The following SULF1 variants were observed in gnomAD, a reference collection of about 807,000 sequenced individuals.
SULF1 encodes the protein extracellular sulfatase Sulf-1.
SULF1 carries 46 observed loss-of-function variants against 110.5 expected under a neutral mutation model. That is an observed-to-expected ratio of 0.42 (90% CI 0.33 to 0.53). The LOEUF (loss-of-function observed/expected upper bound fraction) is 0.53. Among genes scored for constraint, SULF1 ranks in the 20% least tolerant of loss-of-function variants. The probability of loss-of-function intolerance (pLI) is 0.12; values close to 1 mark genes in which losing one functional copy is unlikely to be tolerated. For synonymous variants in SULF1, 371 were observed against 387.1 expected, an observed-to-expected ratio of 0.96 and a Z score of 0.49; for missense variants, 941 against 1,094.2, an observed-to-expected ratio of 0.86 and a Z score of 1.98.
At chr8:69,609,633 T>C (rs1013743802) in intron 13 of SULF1, among the ~76,000 whole-genome samples, 3 of 152,218 alleles carry the variant, frequency 2.0e-5, no homozygotes, top group African/African-American at 7.2e-5. Context: ...CTGCATCTCT[T>C]CACTTCACGT....
chr8:69,542,529 T>G (rs916694409), intron 3 of SULF1, among the ~76,000 whole-genome samples: 2 of 152,020 alleles, frequency 1.3e-5, no homozygotes, highest in Admixed American at 1.3e-4. Context: ...GAATCTGTTT[T>G]GACCCCCGAG....
intron 5 of SULF1, among the ~76,000 whole-genome samples, chr8:69,573,957 G>T (rs1348275722): frequency 6.6e-6 from 1 of 152,090 alleles, no homozygotes; most frequent in Admixed American, 6.5e-5. Flanking sequence ...TGCTTCTTAG[G>T]GTCGCTCTGT....
chr8:69,631,700 C>T (rs900840320), intron 19 of SULF1, among the ~76,000 whole-genome samples: 1 of 152,262 alleles, frequency 6.6e-6, no homozygotes, highest in Non-Finnish European at 1.5e-5. Context: ...GCATCTCAAG[C>T]TCCCTCTCGC....
At chr8:69,574,000 C>T (rs1310537594) in intron 5 of SULF1, among the ~76,000 whole-genome samples, 1 of 152,142 alleles carries the variant, frequency 6.6e-6, no homozygotes, top group Non-Finnish European at 1.5e-5. Context: ...TTCTTCTTTC[C>T]TCAGGGGTAG....
intron 8 of SULF1, chr8:69,596,962 C>T (rs73683996): frequency 2.0e-5 from 3 of 152,042 alleles, no homozygotes; most frequent in African/African-American, 4.8e-5. Flanking sequence ...GAGACTTAGA[C>T]AAAAAGTTGT....
Position 69,560,956 on chromosome 8 carries a change from T to A in SULF1, c.-133-2583T>A, listed in dbSNP as rs1815442156. 2.0e-5 allele frequency among the ~76,000 whole-genome samples: 3 copies of A among 152,208 alleles called. No individual in the cohort carries two copies. In the South Asian group the frequency reaches 6.2e-4, roughly 32 times the overall value. The stretch of plus-strand genomic sequence containing the variant: ...AATGTATATCGTTGTAGGTATGAAT[T>A]CCCTGAATTGAATGTTGGTGGTGGT... On this transcript the variant is annotated intron_variant, in intron 3 of 22. Coordinates refer to ENST00000402687, the MANE Select transcript of SULF1 (RefSeq NM_001128205.2).
rs373416796 is a variant in SULF1, at chr8:69,628,245, C to A, written c.2108+9C>A. ...CATCTTCACCCATTCAAGTAAGTAA[C>A]TCTCTGTTTTCCACATTTGCTGGGA... On this transcript the variant is annotated intron_variant, in intron 18 of 22. Transcript: ENST00000402687. 8 of 1,608,958 alleles carry A rather than the reference C, an allele frequency of 5.0e-6. No homozygotes were observed. The highest frequency in any genetic ancestry group is 6.8e-6 in the Non-Finnish European group (8 of 1,178,490).
At chr8:69,470,953 T>C (rs1809058500) in intron 1 of SULF1, among the ~76,000 whole-genome samples, 1 of 152,188 alleles carries the variant, frequency 6.6e-6, no homozygotes, top group Admixed American at 6.5e-5. Context: ...GAGTTTGTCA[T>C]CATGTGCACG....
In SULF1 at chr8:69,623,713, C is replaced by A. The variant is rs1026722833; in HGVS notation, c.1595-229C>A. ...GGGCTGGAGGCCCAGAGAAGTGTGTCATCCATCACACTGCCAGGCAATGGC... is the reference window on the plus strand; with the variant it reads ...GGGCTGGAGGCCCAGAGAAGTGTGTAATCCATCACACTGCCAGGCAATGGC... On this transcript the variant is annotated intron_variant, in intron 14 of 22. Coordinates refer to ENST00000402687, the MANE Select transcript of SULF1 (RefSeq NM_001128205.2). 4.6e-5 allele frequency among the ~76,000 whole-genome samples: 7 copies of A among 151,940 alleles called. No homozygotes were observed. The South Asian group carries it at 1.5e-3, about 32-fold the overall frequency.
At chr8:69,650,213 T>A (rs1474763558) in intron 22 of SULF1, among the ~76,000 whole-genome samples, 1 of 151,912 alleles carries the variant, frequency 6.6e-6, no homozygotes, top group African/African-American at 2.4e-5. Context: ...TTGCCCAGGC[T>A]AGTCTCAAAC....
intron 5 of SULF1, among the ~76,000 whole-genome samples, chr8:69,575,119 T>C (rs1262671270): frequency 2.0e-5 from 3 of 152,204 alleles, no homozygotes; most frequent in Admixed American, 6.5e-5. Context: ...GAAAAGACTA[T>C]TGAATTCTGG....
At chr8:69,645,119 G>C (rs1811790927) in intron 22 of SULF1, among the ~76,000 whole-genome samples, 1 of 152,166 alleles carries the variant, frequency 6.6e-6, no homozygotes, top group Admixed American at 6.5e-5. Context: ...CGTGCACAGA[G>C]GTGTGTCATG....
At chr8:69,497,336 T>G (rs2150565046) in intron 2 of SULF1, among the ~76,000 whole-genome samples, 1 of 152,116 alleles carries the variant, frequency 6.6e-6, no homozygotes, top group Non-Finnish European at 1.5e-5. Flanking sequence ...TTTTGTATTT[T>G]TAGTAGAGAC....
intron 8 of SULF1, 71 bp from the exon 9 acceptor site, chr8:69,600,532 C>T: frequency 1.1e-5 from 16 of 1,423,864 alleles, no homozygotes; most frequent in Non-Finnish European, 1.5e-5. Flanking sequence ...GATTATTTCA[C>T]AACCTCGAGA....
At chr8:69,537,740 T>C (rs1813522537) in intron 3 of SULF1, among the ~76,000 whole-genome samples, 2 of 152,220 alleles carry the variant, frequency 1.3e-5, no homozygotes, top group Admixed American at 1.3e-4. Context: ...AATGAGAGTG[T>C]GTGACATGCA....
At chr8:69,519,220 C>CACT (rs1812130537) in intron 3 of SULF1, among the ~76,000 whole-genome samples, 3 of 152,138 alleles carry the variant, frequency 2.0e-5, no homozygotes. Context: ...CTTTTCTCCC[C>CACT]GCAAGGCAGT....
At chr8:69,555,576 G>A (rs1815058333) in intron 3 of SULF1, among the ~76,000 whole-genome samples, 1 of 151,924 alleles carries the variant, frequency 6.6e-6, no homozygotes, top group South Asian at 2.1e-4. Flanking sequence ...AGAATCACTT[G>A]AACCTGGGAG....
intron 3 of SULF1, among the ~76,000 whole-genome samples, chr8:69,507,751 C>G (rs748976871): frequency 6.6e-6 from 1 of 152,088 alleles, no homozygotes; most frequent in Non-Finnish European, 1.5e-5. Flanking sequence ...TTTTAGTAAG[C>G]CACTGGTCTT....
chr8:69,470,100 G>A (rs1269650823), intron 1 of SULF1, among the ~76,000 whole-genome samples: 1 of 152,130 alleles, frequency 6.6e-6, no homozygotes, highest in African/African-American at 2.4e-5. Flanking sequence ...ATAGTATTGA[G>A]ATTTCCCCAA....
Sources: allele counts gnomAD v4.1 joint callset (sites outside exome capture counted in the v4.1 genomes callset), GRCh38; gene constraint gnomAD v4.1.1; transcripts MANE v1.5; gene names NCBI Gene and HGNC (gene_info 2026-07-23, HGNC 2026-07-21).